The following SGCZ variants were observed in gnomAD, a reference collection of about 807,000 sequenced individuals.
The protein encoded by SGCZ is sarcoglycan zeta.
SGCZ carries 40 observed loss-of-function variants against 41.3 expected under a neutral mutation model. That is an observed-to-expected ratio of 0.97 (90% CI 0.75 to 1.26). SGCZ has a LOEUF of 1.26. SGCZ is among the 50% of genes most tolerant of loss of function. The pLI is 0.00. For synonymous variants in SGCZ, 206 were observed against 137.5 expected, an observed-to-expected ratio of 1.50 and a Z score of -3.49; for missense variants, 552 against 369.8, an observed-to-expected ratio of 1.49 and a Z score of -4.04.
At chr8:14,645,362 C>A (rs1807172972) in intron 1 of SGCZ, among the ~76,000 whole-genome samples, 1 of 150,130 alleles carries the variant, frequency 6.7e-6, no homozygotes, top group African/African-American at 2.4e-5. Flanking sequence ...GGAAAGTTTT[C>A]CTTTATTTTT....
chr8:14,657,209 T>C (rs1441788399), intron 1 of SGCZ, among the ~76,000 whole-genome samples: 1 of 152,048 alleles, frequency 6.6e-6, no homozygotes, highest in Non-Finnish European at 1.5e-5. Context: ...AAGAGACGTA[T>C]GGATTTTTCC....
intron 1 of SGCZ, among the ~76,000 whole-genome samples, chr8:15,136,482 T>G (rs1808109441): frequency 6.6e-6 from 1 of 151,980 alleles, no homozygotes; most frequent in South Asian, 2.1e-4. Context: ...GGAAGGGCAT[T>G]GATATTGTTT....
chr8:14,102,933 A>G (rs1306341236), intron 6 of SGCZ, among the ~76,000 whole-genome samples: 3 of 152,170 alleles, frequency 2.0e-5, no homozygotes, highest in African/African-American at 4.8e-5. Flanking sequence ...GTATTCCTCA[A>G]TAAAGAGTCC....
chr8:14,635,565 A>T (rs1806801132), intron 1 of SGCZ, among the ~76,000 whole-genome samples: 1 of 151,976 alleles, frequency 6.6e-6, no homozygotes, highest in Admixed American at 6.6e-5. Context: ...AATAATTCGT[A>T]AGTTTTAAAC....
rs201046678 is a variant in SGCZ, at chr8:14,702,886, AAGAT to A, written c.40-147964_40-147961del. ...ATAGATAGATAGATAGATAGATAAA[AAGAT>A]AGATAGACAGGCAGACAGGTAGGTA... On this transcript the variant is annotated intron_variant, in intron 1 of 7. Coordinates refer to ENST00000382080, the MANE Select transcript of SGCZ (RefSeq NM_139167.4). Among the ~76,000 whole-genome samples, 72 of 137,806 alleles carry A rather than the reference AAGAT, an allele frequency of 5.2e-4. 1 individual carries two copies. Among genetic ancestry groups the A allele is most frequent in the Middle Eastern group, 3.7e-3 (1 of 272 alleles). 90.4% of individuals were successfully genotyped at this position (137,806 alleles called of 152,430 possible).
intron 5 of SGCZ, among the ~76,000 whole-genome samples, chr8:14,110,486 T>C (rs1802338974): frequency 1.3e-5 from 2 of 152,172 alleles, no homozygotes; most frequent in African/African-American, 4.8e-5. Context: ...GAGGTCTCAA[T>C]TCTGAGTGCC....
In SGCZ at chr8:14,809,828, C is replaced by G. The variant is rs181173144; in HGVS notation, c.40-254902G>C. Among the ~76,000 whole-genome samples, 340 of 152,128 alleles carry G rather than the reference C, an allele frequency of 2.2e-3. 1 individual carries two copies. The highest frequency in any genetic ancestry group is 7.9e-3 in the African/African-American group (329 of 41,540). On this transcript the variant is annotated intron_variant, in intron 1 of 7. Transcript: ENST00000382080. ...ACATTAGCAAGATACTGCAAAAGTA[C>G]TATTAATTCTGATGTTTAAGAACGC...
intron 5 of SGCZ, among the ~76,000 whole-genome samples, chr8:14,129,365 A>T (rs1281360420): frequency 6.7e-6 from 1 of 148,990 alleles, no homozygotes; most frequent in African/African-American, 2.5e-5. Context: ...AAAAAAAAAA[A>T]AAAAAAAATC....
chr8:15,187,177 G>A (rs945121057), intron 1 of SGCZ, among the ~76,000 whole-genome samples: 2 of 152,084 alleles, frequency 1.3e-5, no homozygotes, highest in Non-Finnish European at 1.5e-5. Flanking sequence ...AGTAAATAAA[G>A]CCACTTATGG....
intron 1 of SGCZ, among the ~76,000 whole-genome samples, chr8:14,757,422 C>A (rs1799714534): frequency 6.6e-6 from 1 of 152,164 alleles, no homozygotes; most frequent in African/African-American, 2.4e-5. Flanking sequence ...TGTGGGCTGC[C>A]CAGCTGTCTG....
At chr8:14,774,922 T>C (rs1800355157) in intron 1 of SGCZ, among the ~76,000 whole-genome samples, 1 of 152,310 alleles carries the variant, frequency 6.6e-6, no homozygotes, top group African/African-American at 2.4e-5. Context: ...TTAAGGGCCT[T>C]TGAAGGTTTT....
intron 5 of SGCZ, among the ~76,000 whole-genome samples, chr8:14,136,760 A>G (rs372771364): frequency 6.6e-6 from 1 of 152,182 alleles, no homozygotes; most frequent in Non-Finnish European, 1.5e-5. Flanking sequence ...ACTTCTGCAG[A>G]CTTAAATGTC....
rs1272057552 is a variant in SGCZ at position 14,622,428 on chromosome 8, T to C, written c.40-67502A>G. ...ATGTGAGGTCTGATTCCAAGTGTGA[T>C]ATTCTTCAATTCTCTAGCTGAGAGT... On this transcript the variant is annotated intron_variant, in intron 1 of 7. Transcript: ENST00000382080. 3.3e-5 allele frequency among the ~76,000 whole-genome samples: 5 copies of C among 152,314 alleles called. No homozygotes were observed. The East Asian group carries it at 9.7e-4, about 29-fold the overall frequency.
chr8:14,229,650 T>A (rs1806491139), intron 4 of SGCZ, among the ~76,000 whole-genome samples: 1 of 150,214 alleles, frequency 6.7e-6, no homozygotes, highest in Non-Finnish European at 1.5e-5. Flanking sequence ...TTCTCTAAGT[T>A]AAAAAAAAAA....
chr8:14,691,714 C>T (rs999301179), intron 1 of SGCZ, among the ~76,000 whole-genome samples: 6 of 152,020 alleles, frequency 3.9e-5, no homozygotes, highest in African/African-American at 1.4e-4. Flanking sequence ...CAGATTTAAA[C>T]ATCGTTCTTC....
rs116604169 is a variant in SGCZ at position 14,769,979 on chromosome 8, C to T, written c.40-215053G>A. On this transcript the variant is annotated intron_variant, in intron 1 of 7. Coordinates refer to ENST00000382080, the MANE Select transcript of SGCZ (RefSeq NM_139167.4). ...CAGCCAGTACAGTATAGGCATATAC[C>T]ACCACTCGTGGTTCCTGAATATACC... 6.7e-3 allele frequency among the ~76,000 whole-genome samples: 1,018 copies of T among 151,720 alleles called. 15 individuals carry two copies. Among genetic ancestry groups the T allele is most frequent in the African/African-American group, 0.024 (978 of 41,360 alleles).
chr8:14,209,906 G>T (rs542920043), intron 4 of SGCZ, among the ~76,000 whole-genome samples: 1 of 152,000 alleles, frequency 6.6e-6, no homozygotes, highest in African/African-American at 2.4e-5. Flanking sequence ...TTATGAATTA[G>T]TTAAAATAAT....
chr8:15,102,707 A>T (rs1039842885), intron 1 of SGCZ, among the ~76,000 whole-genome samples: 9 of 152,340 alleles, frequency 5.9e-5, no homozygotes, highest in African/African-American at 2.2e-4. Flanking sequence ...TTGTAAAAAA[A>T]TTATAAAATG....
rs528284130 is a variant in SGCZ at position 14,271,019 on chromosome 8, G to A, written c.337-33340C>T. On this transcript the variant is annotated intron_variant, in intron 3 of 7. Coordinates refer to ENST00000382080, the MANE Select transcript of SGCZ (RefSeq NM_139167.4). The stretch of plus-strand genomic sequence containing the variant: ...CAGTGAGAACGCAAGGACACAGGAA[G>A]GGGAACATCACACCCTGGGGCCTGT... Among the ~76,000 whole-genome samples, 7 of 152,252 alleles carry A rather than the reference G, an allele frequency of 4.6e-5. No individual in the cohort carries two copies. In the South Asian group the frequency reaches 1.5e-3, roughly 32 times the overall value.
Sources: allele counts gnomAD v4.1 joint callset (sites outside exome capture counted in the v4.1 genomes callset), GRCh38; gene constraint gnomAD v4.1.1; transcripts MANE v1.5; gene names NCBI Gene and HGNC (gene_info 2026-07-23, HGNC 2026-07-21).